The following PCNX2 variants were observed in gnomAD, a reference collection of about 807,000 sequenced individuals.
PCNX2 encodes pecanex 2.
In PCNX2, 168 loss-of-function variants were observed where a neutral mutation model predicts 223.8. The ratio of observed to expected loss-of-function variants is 0.75; its 90% CI spans 0.66 to 0.85. PCNX2 has a LOEUF of 0.85. Ranked by LOEUF, PCNX2 falls within the 40% of genes least tolerant of loss-of-function variation. PCNX2 has a pLI of 0.00. For missense variants in PCNX2, 2,507 were observed against 2,675.5 expected (o/e 0.94, Z 1.39); for synonymous variants, 1,006 against 1,052.6 (o/e 0.96, Z 0.86).
rs1321167776 is a variant in PCNX2, at chr1:233,172,343, A to G, written c.3273+5459T>C. 4 of 985,064 alleles carry G rather than the reference A, an allele frequency of 4.1e-6. No individual in the cohort carries two copies. In the African/African-American group the frequency reaches 7.0e-5, roughly 17 times the overall value. The allele number at this position is 985,064 out of a possible 1,614,324, so 61.0% of individuals were successfully genotyped here. On this transcript the variant is annotated intron_variant, in intron 17 of 33. Coordinates refer to ENST00000258229, the MANE Select transcript of PCNX2 (RefSeq NM_014801.4). ...TTGTTTCTGCCATGAGGCGTTTCCA[A>G]TTGGGTACCACGTTAAATGTCTTCA...
intron 12 of PCNX2, among the ~76,000 whole-genome samples, chr1:233,213,682 C>A (rs1056115484): frequency 2.6e-5 from 4 of 152,088 alleles, no homozygotes; most frequent in African/African-American, 9.7e-5. Context: ...CAAGCTGTAG[C>A]CCTCTTTGGA....
In PCNX2 at chr1:233,258,193, G is replaced by A. The variant is rs1572163272; in HGVS notation, c.1669C>T (p.Pro557Ser). 6.2e-7 allele frequency: 1 copy of A among 1,613,898 alleles called. No homozygotes were observed. Among genetic ancestry groups the A allele is most frequent in the Non-Finnish European group, 8.5e-7 (1 of 1,179,864 alleles). ...GCCTCTAGGTCAGATTTGGAAGTTG[G>A]CATTGTTTTCTCTGTATCGTTAACA... The part of the protein sequence containing the change: ...EIVNDTEKTM[P>S]TSKSDLEAKE... The change falls in exon 5 of 34, where the codon CCA (proline) becomes TCA (serine). Residue 557 changes from proline (P) to serine (S), a missense_variant. Transcript: ENST00000258229.
intron 21 of PCNX2, among the ~76,000 whole-genome samples, chr1:233,105,513 C>CTT (rs1431833335): frequency 2.6e-5 from 4 of 152,124 alleles, no homozygotes; most frequent in Non-Finnish European, 5.9e-5. Context: ...TAACCTAAAA[C>CTT]AGAAGAGTGA....
chr1:233,179,031 T>A (rs753268089), intron 16 of PCNX2, 35 bp downstream of exon 16: 2 of 1,579,474 alleles, frequency 1.3e-6, no homozygotes, highest in African/African-American at 2.7e-5. Context: ...TGCCCCCAGC[T>A]CAGTGATGAG....
rs1669971191 is a variant in PCNX2 at position 232,998,961 on chromosome 1, T to C, written c.5603+144A>G. On this transcript the variant is annotated intron_variant, in intron 31 of 33. Transcript: ENST00000258229. The stretch of plus-strand genomic sequence containing the variant: ...ACTGCTTGCTGAAACAAATGATCTG[T>C]TCGATGCCACTTGGGGGTAGCAGTT... The C allele has an allele frequency of 5.7e-6, 5 of 871,910 alleles. No homozygotes were observed. The East Asian group carries it at 1.3e-4, about 24-fold the overall frequency. The allele number at this position is 871,910 out of a possible 1,614,324, so 54.0% of individuals were successfully genotyped here. A position where few individuals can be genotyped will look rare whatever the true frequency, so the allele number is the denominator to read the frequency against.
intron 9 of PCNX2, among the ~76,000 whole-genome samples, chr1:233,229,853 T>C (rs1173547942): frequency 2.6e-5 from 4 of 152,160 alleles, no homozygotes; most frequent in African/African-American, 9.7e-5. Context: ...ATTTCACTTC[T>C]TTTATGGGAA....
At chr1:233,203,657 C>T (rs377205883) in intron 13 of PCNX2, among the ~76,000 whole-genome samples, 25 of 152,150 alleles carry the variant, frequency 1.6e-4, no homozygotes, top group Non-Finnish European at 2.8e-4. Context: ...TTCCCACCTG[C>T]GCCATGTCCA....
chr1:233,071,199 G>A (rs980319958), intron 23 of PCNX2, among the ~76,000 whole-genome samples: 1 of 152,042 alleles, frequency 6.6e-6, no homozygotes, highest in Non-Finnish European at 1.5e-5. Flanking sequence ...GGGTACATAC[G>A]CAGACTTGTC....
Position 233,057,285 on chromosome 1 carries a change from C to T in PCNX2, c.4082G>A (p.Arg1361Lys), listed in dbSNP as rs1424140135. The T allele has an allele frequency of 1.2e-6, 2 of 1,609,146 alleles. No individual in the cohort carries two copies. Among genetic ancestry groups the T allele is most frequent in the East Asian group, 2.2e-5 (1 of 44,794 alleles). Residue 1361 changes from arginine to lysine, a missense_variant, in exon 24 of 34, where the codon AGG (arginine) becomes AAG (lysine). This residue lies in a region of PCNX2 where 1,372 missense variants were observed against 1,509.4 expected (regional missense o/e 0.91). Transcript: ENST00000258229. ...VKFWEKNYNT[R>K]RVDNSNTRLA... is the part of the protein sequence containing the mutation. Reference sequence around the variant, plus strand: ...TCTTGTGTTGGAATTATCCACTCGCCTTGTACTAGAAGAGGCCACAAAAGG... The same window carrying T: ...TCTTGTGTTGGAATTATCCACTCGCTTTGTACTAGAAGAGGCCACAAAAGG...
rs139738047 is a variant in PCNX2, at chr1:233,239,164, G to C, written c.2223-2184C>G. Among the ~76,000 whole-genome samples, 719 of 152,268 alleles carry C rather than the reference G, an allele frequency of 4.7e-3. 3 individuals carry two copies. The highest frequency in any genetic ancestry group is 0.017 in the African/African-American group (702 of 41,554). Reference sequence around the variant, plus strand: ...TTAAGCTAACTACATTGTAGGTAAGGTAGGTAATGATCATAAATAGGCAAG... The same window carrying C: ...TTAAGCTAACTACATTGTAGGTAAGCTAGGTAATGATCATAAATAGGCAAG... On this transcript the variant is annotated intron_variant, in intron 8 of 33. Transcript: ENST00000258229.
intron 25 of PCNX2, among the ~76,000 whole-genome samples, chr1:233,044,812 G>A (rs1417190496): frequency 6.6e-6 from 1 of 151,922 alleles, no homozygotes; most frequent in Non-Finnish European, 1.5e-5. Context: ...GTGATTACAG[G>A]TGCATGCCAC....
chr1:233,164,477 T>G (rs1678674012), intron 17 of PCNX2, among the ~76,000 whole-genome samples: 1 of 152,106 alleles, frequency 6.6e-6, no homozygotes, highest in Non-Finnish European at 1.5e-5. Context: ...GTTGAAGAGA[T>G]ATCTGCACTC....
intron 19 of PCNX2, among the ~76,000 whole-genome samples, chr1:233,152,916 T>C (rs887488930): frequency 1.3e-5 from 2 of 150,576 alleles, no homozygotes; most frequent in Admixed American, 6.7e-5. Flanking sequence ...TTCCCAATTA[T>C]AGAAGACAAA....
intron 25 of PCNX2, among the ~76,000 whole-genome samples, chr1:233,040,973 T>C (rs1186246535): frequency 6.6e-6 from 1 of 152,196 alleles, no homozygotes; most frequent in Non-Finnish European, 1.5e-5. Flanking sequence ...CAACAATCTT[T>C]GCACCCTTCC....
chr1:233,168,013 TA>T (rs1169090937), intron 17 of PCNX2, among the ~76,000 whole-genome samples: 1 of 152,146 alleles, frequency 6.6e-6, no homozygotes, highest in Admixed American at 6.5e-5. Flanking sequence ...GTGACTCTGT[TA>T]AATTACTTAT....
intron 12 of PCNX2, among the ~76,000 whole-genome samples, chr1:233,209,729 G>A (rs950499891): frequency 6.6e-6 from 1 of 152,194 alleles, no homozygotes; most frequent in Non-Finnish European, 1.5e-5. Flanking sequence ...CAGAGTCCAG[G>A]TTCAGTCTTA....
intron 17 of PCNX2, among the ~76,000 whole-genome samples, chr1:233,174,389 A>G (rs1679347597): frequency 6.7e-6 from 1 of 149,078 alleles, no homozygotes; most frequent in Non-Finnish European, 1.5e-5. Context: ...TTATATATAA[A>G]TTTATATATA....
At chr1:233,200,720 C>A (rs1358637261) in intron 13 of PCNX2, among the ~76,000 whole-genome samples, 1 of 151,346 alleles carries the variant, frequency 6.6e-6, no homozygotes, top group Non-Finnish European at 1.5e-5. Flanking sequence ...ACTACAGGAA[C>A]ATAAAAAAAA....
At chr1:233,140,129 AT>A (rs1558272985) in intron 19 of PCNX2, among the ~76,000 whole-genome samples, 1 of 144,554 alleles carries the variant, frequency 6.9e-6, no homozygotes, top group Non-Finnish European at 1.5e-5. Flanking sequence ...ACTGAGACCA[AT>A]GAATGGGCTG....
Sources: gnomAD v4.1 joint callset for allele counts (sites outside exome capture counted in the v4.1 genomes callset) on GRCh38, gnomAD v4.1.1 for gene constraint, gnomAD v4.1.1 regional missense constraint, MANE v1.5 for transcripts, NCBI Gene and HGNC (gene_info 2026-07-23, HGNC 2026-07-21) for gene names.